CCDC6: variants seen among roughly 807,000 people sequenced by gnomAD.
The protein encoded by CCDC6 is coiled-coil domain-containing protein 6.
CCDC6 carries 20 observed loss-of-function variants against 56.6 expected under a neutral mutation model. That is an observed-to-expected ratio of 0.35 (90% CI 0.25 to 0.51). The LOEUF is 0.51. Ranked by LOEUF, CCDC6 falls within the 20% of genes least tolerant of loss-of-function variation. The pLI is 0.95. For synonymous variants in CCDC6, 241 were observed against 234.4 expected, an observed-to-expected ratio of 1.03 and a Z score of -0.26; for missense variants, 367 against 601.1, an observed-to-expected ratio of 0.61 and a Z score of 4.07.
intron 1 of CCDC6, among the ~76,000 whole-genome samples, chr10:59,868,792 C>A (rs2071200281): frequency 6.6e-6 from 1 of 152,158 alleles, no homozygotes; most frequent in African/African-American, 2.4e-5. Context: ...AATGAGCTTC[C>A]CTGGTAGATG....
At chr10:59,803,242 C>CCCT (rs982479745) in intron 7 of CCDC6, among the ~76,000 whole-genome samples, 7 of 151,952 alleles carry the variant, frequency 4.6e-5, no homozygotes, top group African/African-American at 1.7e-4. Context: ...CTGCCTGACA[C>CCCT]CAGAGAGCAC....
intron 1 of CCDC6, 147 bp from the exon 2 acceptor site, chr10:59,852,849 G>T: frequency 1.8e-6 from 1 of 563,218 alleles, no homozygotes; most frequent in Non-Finnish European, 2.9e-6. Context: ...ACACACCCAA[G>T]AAATGCAAAA....
At chr10:59,796,113 T>C (rs2070515937) in intron 7 of CCDC6, among the ~76,000 whole-genome samples, 1 of 152,212 alleles carries the variant, frequency 6.6e-6, no homozygotes, top group Admixed American at 6.5e-5. Context: ...AGTGTTCCTC[T>C]TTCTCCACAT....
chr10:59,801,059 A>T (rs1395089451), intron 7 of CCDC6, among the ~76,000 whole-genome samples: 4 of 152,212 alleles, frequency 2.6e-5, no homozygotes, highest in Non-Finnish European at 5.9e-5. Flanking sequence ...GAAAACTGCA[A>T]GGGGTGGGAT....
chr10:59,906,257 C>T lies in CCDC6; in HGVS notation c.168G>A (p.Leu56=). 1.2e-6 allele frequency: 2 copies of T among 1,612,950 alleles called. No individual in the cohort carries two copies. The highest frequency in any genetic ancestry group is 8.5e-7 in the Non-Finnish European group (1 of 1,179,832). The change falls in exon 1 of 9, where the codon CTG becomes CTA. Residue 56 remains leucine, a synonymous_variant. Coordinates refer to ENST00000263102, the MANE Select transcript of CCDC6 (RefSeq NM_005436.5). ...SGGIVISPFR[L]EELTNRLASL... is the part of the protein sequence containing the mutation. ...AGGCCAGGCGGTTGGTGAGCTCCTC[C>T]AGGCGGAACGGCGAGATGACAATGC...
chr10:59,790,012 A>G lies in CCDC6; in HGVS notation c.*2905T>C. On this transcript the variant is annotated 3_prime_UTR_variant, in exon 9 of 9. Coordinates refer to ENST00000263102, the MANE Select transcript of CCDC6 (RefSeq NM_005436.5). ...AGTATCTCAGGAGCTCAGAATTTAAAACTCCTTTCAGTCAACGAAGGAGTA... is the reference window on the plus strand; with the variant it reads ...AGTATCTCAGGAGCTCAGAATTTAAGACTCCTTTCAGTCAACGAAGGAGTA... 1 of 217,040 alleles carries G rather than the reference A, an allele frequency of 4.6e-6. No homozygotes were observed. Among genetic ancestry groups the G allele is most frequent in the Middle Eastern group, 1.4e-3 (1 of 698 alleles). 13.4% of individuals were successfully genotyped at this position (217,040 alleles called of 1,614,324 possible).
intron 6 of CCDC6, among the ~76,000 whole-genome samples, chr10:59,805,912 C>T (rs1420971729): frequency 6.6e-6 from 1 of 152,114 alleles, no homozygotes; most frequent in Non-Finnish European, 1.5e-5. Flanking sequence ...ATAATAGAAA[C>T]AGAGTACAGA....
At chr10:59,841,034 G>A (rs1436540688) in intron 2 of CCDC6, among the ~76,000 whole-genome samples, 1 of 152,106 alleles carries the variant, frequency 6.6e-6, no homozygotes, top group Admixed American at 6.6e-5. Flanking sequence ...CCCTGTGGTG[G>A]CTCCTCCCAT....
intron 1 of CCDC6, among the ~76,000 whole-genome samples, chr10:59,889,251 AAT>A (rs912373525): frequency 6.6e-6 from 1 of 152,142 alleles, no homozygotes; most frequent in African/African-American, 2.4e-5. Context: ...ATAAATGACA[AAT>A]GACAACAGGG....
At chr10:59,804,572 T>G in intron 6 of CCDC6, 52 bp from the exon 7 acceptor site, 142 of 938,774 alleles carry the variant, frequency 1.5e-4, no homozygotes, top group Non-Finnish European at 2.3e-4. Context: ...AAATAGGCCT[T>G]AGGAGAGTTT....
chr10:59,823,091 G>A (rs1177072369), intron 3 of CCDC6, among the ~76,000 whole-genome samples: 3 of 152,142 alleles, frequency 2.0e-5, no homozygotes, highest in South Asian at 2.1e-4. Flanking sequence ...CACTTTCATC[G>A]GCAATAAAAT....
In CCDC6 at chr10:59,852,722, G is replaced by GA. The variant is rs951836185; in HGVS notation, c.304-21dup. The GA allele has an allele frequency of 6.8e-7, 1 of 1,480,078 alleles. No homozygotes were observed. Among genetic ancestry groups the GA allele is most frequent in the African/African-American group, 1.5e-5 (1 of 68,264 alleles). 91.7% of individuals were successfully genotyped at this position (1,480,078 alleles called of 1,614,324 possible). A position where few individuals can be genotyped will look rare whatever the true frequency, so the allele number is the denominator to read the frequency against. ...GGCTTGCTGTTTAAAAAAAAAAAAG[G>GA]AAAGAACAAAACAAAACACATGTTA... On this transcript the variant is annotated intron_variant, in intron 1 of 8. Transcript: ENST00000263102.
intron 1 of CCDC6, among the ~76,000 whole-genome samples, chr10:59,884,524 A>C (rs2071368120): frequency 6.6e-6 from 1 of 152,244 alleles, no homozygotes; most frequent in Non-Finnish European, 1.5e-5. Context: ...ACTGAAAACA[A>C]TCAACAGAGG....
intron 7 of CCDC6, among the ~76,000 whole-genome samples, chr10:59,800,875 T>G (rs2070569583): frequency 6.6e-6 from 1 of 152,186 alleles, no homozygotes; most frequent in African/African-American, 2.4e-5. Context: ...TTCCCTTGCT[T>G]TGATATGGAA....
intron 5 of CCDC6, among the ~76,000 whole-genome samples, chr10:59,808,248 C>G (rs1205628452): frequency 2.6e-5 from 4 of 152,188 alleles, no homozygotes; most frequent in African/African-American, 4.8e-5. Flanking sequence ...TCCCAGGAAT[C>G]TGAAATGGGG....
chr10:59,869,415 A>AAAAAAC (rs2071207472), intron 1 of CCDC6, among the ~76,000 whole-genome samples: 1 of 74,812 alleles, frequency 1.3e-5, no homozygotes, highest in Non-Finnish European at 2.5e-5. Flanking sequence ...AAAAAAAAAA[A>AAAAAAC]AAAACAGAAA....
At position 59,792,577 on chromosome 10, in the gene CCDC6, T is replaced by C. The variant is rs1482321571; in HGVS notation, c.*340A>G. ...ATAAAAAAGATATCCCTTTTTCTTT[T>C]ACAAACCTAAAAGCCAGGAGAATGA... On this transcript the variant is annotated 3_prime_UTR_variant, in exon 9 of 9. Transcript: ENST00000263102. 3.3e-6 allele frequency: 2 copies of C among 613,982 alleles called. No individual in the cohort carries two copies. The highest frequency in any genetic ancestry group is 1.8e-5 in the African/African-American group (1 of 55,970). The allele number at this position is 613,982 out of a possible 1,614,324, so 38.0% of individuals were successfully genotyped here.
At chr10:59,886,457 T>C (rs1347653927) in intron 1 of CCDC6, among the ~76,000 whole-genome samples, 1 of 152,180 alleles carries the variant, frequency 6.6e-6, no homozygotes, top group Non-Finnish European at 1.5e-5. Context: ...GTTTATGCAA[T>C]TTAAAAGAAT....
intron 1 of CCDC6, among the ~76,000 whole-genome samples, chr10:59,905,102 AG>A (rs1166907780): frequency 6.6e-6 from 1 of 152,120 alleles, no homozygotes; most frequent in African/African-American, 2.4e-5. Context: ...ATTTGAATAC[AG>A]TTGTCTGTGT....
Sources: allele counts gnomAD v4.1 joint callset (sites outside exome capture counted in the v4.1 genomes callset), GRCh38; gene constraint gnomAD v4.1.1; transcripts MANE v1.5; gene names NCBI Gene and HGNC (gene_info 2026-07-23, HGNC 2026-07-21).